CAMK2D: variants seen among roughly 807,000 people sequenced by gnomAD.
CAMK2D encodes the protein calcium/calmodulin dependent protein kinase II delta.
CAMK2D carries 37 observed loss-of-function variants against 84.0 expected under a neutral mutation model. The ratio of observed to expected loss-of-function variants is 0.44; its 90% CI spans 0.34 to 0.58. The LOEUF (loss-of-function observed/expected upper bound fraction) is 0.58. CAMK2D is among the 20% of genes least tolerant of loss of function. CAMK2D has a pLI of 0.02. For missense variants in CAMK2D, 448 were observed against 652.5 expected (o/e 0.69, Z 3.41); for synonymous variants, 202 against 212.5 (o/e 0.95, Z 0.43).
chr4:113,622,023 T>C (rs1041518421), intron 3 of CAMK2D, among the ~76,000 whole-genome samples: 3 of 152,212 alleles, frequency 2.0e-5, no homozygotes, highest in Admixed American at 6.5e-5. Context: ...CAACATACTT[T>C]TCTGATTTTT....
intron 4 of CAMK2D, among the ~76,000 whole-genome samples, chr4:113,556,627 C>T (rs760692799): frequency 1.4e-4 from 21 of 152,228 alleles, no homozygotes; most frequent in Admixed American, 5.2e-4. Flanking sequence ...CTAGGTGCGG[C>T]AGAACTACCT....
chr4:113,750,335 T>C (rs1056843351), intron 2 of CAMK2D, among the ~76,000 whole-genome samples: 1 of 152,112 alleles, frequency 6.6e-6, no homozygotes, highest in Middle Eastern at 3.2e-3. Context: ...GCAGGAACTT[T>C]CTCCCTCCCT....
rs181235177 is a variant in CAMK2D, at chr4:113,470,441, C to G, written c.1136-4837G>C. Among the ~76,000 whole-genome samples the G allele has an allele frequency of 4.3e-3, 648 of 152,172 alleles. 6 individuals carry two copies. The highest frequency in any genetic ancestry group is 0.031 in the Middle Eastern group (9 of 294). On this transcript the variant is annotated intron_variant, in intron 16 of 20. Transcript: ENST00000511664. ...CGGGTGGATCACGAGGTCAAGAGACCATCCTGGCCAACATGGTGAAACCCC... is the reference window on the plus strand; with the variant it reads ...CGGGTGGATCACGAGGTCAAGAGACGATCCTGGCCAACATGGTGAAACCCC...
At chr4:113,688,335 A>G (rs1265318696) in intron 2 of CAMK2D, among the ~76,000 whole-genome samples, 2 of 152,176 alleles carry the variant, frequency 1.3e-5, no homozygotes, top group African/African-American at 4.8e-5. Flanking sequence ...AGGTGCATTC[A>G]CCTTTCTAAC....
intron 3 of CAMK2D, among the ~76,000 whole-genome samples, chr4:113,658,602 T>C (rs927318341): frequency 2.0e-5 from 3 of 152,186 alleles, no homozygotes; most frequent in Non-Finnish European, 4.4e-5. Flanking sequence ...CACCATCTAA[T>C]ATCCAATGCT....
chr4:113,713,927 G>T (rs1010031060), intron 2 of CAMK2D, among the ~76,000 whole-genome samples: 68 of 151,290 alleles, frequency 4.5e-4, no homozygotes, highest in Admixed American at 2.6e-4. Context: ...GTATCTTAAT[G>T]TGGTAAGTTC....
At chr4:113,689,456 G>A (rs1021154457) in intron 2 of CAMK2D, among the ~76,000 whole-genome samples, 46 of 152,026 alleles carry the variant, frequency 3.0e-4, no homozygotes, top group Admixed American at 1.9e-3. Flanking sequence ...TAAGATTCAA[G>A]GTCTGTAAGT....
At position 113,747,456 on chromosome 4, in the gene CAMK2D, G is replaced by T. The variant is rs534538843; in HGVS notation, c.160+11864C>A. On this transcript the variant is annotated intron_variant, in intron 2 of 20. Coordinates refer to ENST00000511664, the MANE Select transcript of CAMK2D (RefSeq NM_001321571.2). ...TGTTTTCAATAAATACCTGTGGTGG[G>T]TGCCAAACACTACTCTTGACAATAG... 5.3e-5 allele frequency among the ~76,000 whole-genome samples: 8 copies of T among 152,046 alleles called. 1 individual carries two copies. The highest frequency in any genetic ancestry group is 1.7e-4 in the African/African-American group (7 of 41,496).
chr4:113,514,368 G>A (rs1382347164), intron 10 of CAMK2D, among the ~76,000 whole-genome samples: 1 of 152,118 alleles, frequency 6.6e-6, no homozygotes, highest in Admixed American at 6.5e-5. Flanking sequence ...AGCCAAGATC[G>A]TGCCATTGCA....
intron 16 of CAMK2D, among the ~76,000 whole-genome samples, chr4:113,490,086 G>T (rs937654054): frequency 2.0e-5 from 3 of 150,680 alleles, no homozygotes; most frequent in African/African-American, 7.3e-5. Flanking sequence ...CTCCCATTTT[G>T]TAGGTTGCCT....
At chr4:113,525,285 G>C (rs558258156) in intron 8 of CAMK2D, among the ~76,000 whole-genome samples, 144 of 152,256 alleles carry the variant, frequency 9.5e-4, no homozygotes, top group African/African-American at 3.2e-3. Flanking sequence ...TATGTACATA[G>C]GGTGCGGGAG....
chr4:113,525,282 A>T (rs2154177612), intron 8 of CAMK2D, among the ~76,000 whole-genome samples: 1 of 152,354 alleles, frequency 6.6e-6, no homozygotes, highest in South Asian at 2.1e-4. Context: ...ACATATGTAC[A>T]TAGGGTGCGG....
chr4:113,503,366 A>C (rs1391837962), intron 14 of CAMK2D: 3 of 494,070 alleles, frequency 6.1e-6, no homozygotes, highest in African/African-American at 2.0e-5. Flanking sequence ...TAAAACTCTG[A>C]GATGATTTCA....
At chr4:113,742,961 T>C (rs1326764367) in intron 2 of CAMK2D, among the ~76,000 whole-genome samples, 1 of 152,182 alleles carries the variant, frequency 6.6e-6, no homozygotes, top group South Asian at 2.1e-4. Context: ...GTCCTTAGTT[T>C]ATGCAGAAAA....
intron 16 of CAMK2D, among the ~76,000 whole-genome samples, chr4:113,482,084 C>A (rs2097707436): frequency 6.6e-6 from 1 of 152,168 alleles, no homozygotes; most frequent in African/African-American, 2.4e-5. Flanking sequence ...CTTTGGCAGC[C>A]ACTGGAGAAT....
chr4:113,477,745 CAA>C (rs34393843), intron 16 of CAMK2D, among the ~76,000 whole-genome samples: 15 of 117,254 alleles, frequency 1.3e-4, no homozygotes, highest in South Asian at 8.4e-4. Flanking sequence ...GACTCTGTCT[CAA>C]AAAAAAAAAA....
intron 16 of CAMK2D, among the ~76,000 whole-genome samples, chr4:113,470,923 G>A (rs891496238): frequency 3.3e-5 from 5 of 152,166 alleles, no homozygotes; most frequent in African/African-American, 9.7e-5. Flanking sequence ...AATTGGTTTC[G>A]ATTCCCAATC....
In CAMK2D at chr4:113,761,369, G is replaced by A. The variant is rs540033524; in HGVS notation, c.-301C>T. ...CCTTTTCCAGTCCCTGTCCCCAAATGCAGGGGGTAAAGTACTCAAGAAGAG... is the reference window on the plus strand; with the variant it reads ...CCTTTTCCAGTCCCTGTCCCCAAATACAGGGGGTAAAGTACTCAAGAAGAG... On this transcript the variant is annotated 5_prime_UTR_variant, in exon 1 of 21. Coordinates refer to ENST00000511664, the MANE Select transcript of CAMK2D (RefSeq NM_001321571.2). 90 of 1,340,842 alleles carry A rather than the reference G, an allele frequency of 6.7e-5. No individual in the cohort carries two copies. The Admixed American group carries it at 1.2e-3, about 18-fold the overall frequency. The allele number at this position is 1,340,842 out of a possible 1,614,324, so 83.1% of individuals were successfully genotyped here. A position where few individuals can be genotyped will look rare whatever the true frequency, so the allele number is the denominator to read the frequency against.
intron 1 of CAMK2D, among the ~76,000 whole-genome samples, chr4:113,760,381 T>C (rs868039793): frequency 1.3e-5 from 2 of 152,188 alleles, no homozygotes; most frequent in African/African-American, 4.8e-5. Context: ...GGAAGAATGA[T>C]GGTGAGCGGT....
Sources: allele counts gnomAD v4.1 joint callset (sites outside exome capture counted in the v4.1 genomes callset), GRCh38; gene constraint gnomAD v4.1.1; transcripts MANE v1.5; gene names NCBI Gene and HGNC (gene_info 2026-07-23, HGNC 2026-07-21).